The following WRAP53 variants were observed in gnomAD, a reference collection of about 807,000 sequenced individuals.
The protein encoded by WRAP53 is WD repeat containing antisense to TP53, also known as telomerase Cajal body protein 1.
Under a neutral mutation model 56.6 loss-of-function variants are expected in WRAP53, and 28 were observed. That is an observed-to-expected ratio of 0.50 (90% CI 0.37 to 0.68). The LOEUF (loss-of-function observed/expected upper bound fraction) is 0.68. Among genes scored for constraint, WRAP53 ranks in the 30% least tolerant of loss-of-function variants. WRAP53 has a pLI of 0.00. For synonymous variants in WRAP53, 283 were observed against 283.4 expected (o/e 1.00, Z 0.01); for missense variants, 671 against 715.5 (o/e 0.94, Z 0.71).
rs971585446 is a variant in WRAP53, at chr17:7,702,276, C to T, written c.956-68C>T. 1 of 1,551,440 alleles carries T rather than the reference C, an allele frequency of 6.4e-7. No individual in the cohort carries two copies. The highest frequency in any genetic ancestry group is 1.4e-5 in the African/African-American group (1 of 73,644). On this transcript the variant is annotated intron_variant, in intron 7 of 10. Coordinates refer to ENST00000396463, the MANE Select transcript of WRAP53 (RefSeq NM_001143992.2). The surrounding 1 kb of genome is among the most constrained non-coding windows in gnomAD (Gnocchi z 5.0). ...TGTTGGTGCTGGGACGGGAGACAGA[C>T]CTCTGCTTAGCCTGGTTAGTGCCAG...
At position 7,689,298 on chromosome 17, in the gene WRAP53, A is replaced by G; in HGVS notation, c.506A>G (p.Glu169Gly). Residue 169 changes from glutamate to glycine, a missense_variant, in exon 3 of 11, where the codon GAG (glutamate) becomes GGG (glycine). Glu to Gly is a moderately conservative substitution (Grantham distance 98). This residue lies in a region of WRAP53 where 406 missense variants were observed against 418.5 expected (regional missense o/e 0.97). Transcript: ENST00000396463. ...GSWSEFSTQP[E>G]NFLKGCKWAP... ...TGGTCAGAGTTCAGCACCCAACCTG[A>G]GAACTTCTTGAAAGGCTGTAAGTGG... 6.2e-7 allele frequency: 1 copy of G among 1,614,032 alleles called. No individual in the cohort carries two copies. Among genetic ancestry groups the G allele is most frequent in the Non-Finnish European group, 8.5e-7 (1 of 1,180,004 alleles).
At chr17:7,695,444 C>G (rs1219903272) in intron 4 of WRAP53, among the ~76,000 whole-genome samples, 1 of 152,098 alleles carries the variant, frequency 6.6e-6, no homozygotes, top group African/African-American at 2.4e-5. Context: ...GAGTACTTGC[C>G]CTGCCCCGTG....
At chr17:7,699,614 G>A (rs1391583994) in intron 4 of WRAP53, among the ~76,000 whole-genome samples, 2 of 140,588 alleles carry the variant, frequency 1.4e-5, no homozygotes, top group Non-Finnish European at 3.1e-5. Context: ...TTAGGAAAGG[G>A]GTTTAAACAT....
chr17:7,695,740 T>A (rs1200974477), intron 4 of WRAP53, among the ~76,000 whole-genome samples: 4 of 152,162 alleles, frequency 2.6e-5, no homozygotes, highest in African/African-American at 9.7e-5. Context: ...TCTCTCATCC[T>A]TTAATCTTTA....
Position 7,703,247 on chromosome 17 carries a change from C to T in WRAP53, c.1408C>T (p.His470Tyr), listed in dbSNP as rs748109782. ...QKDCTNGVSLHPSLPLLATAS... is the reference protein window; with the variant it reads ...QKDCTNGVSLYPSLPLLATAS... ...CCCTCCCCATCTCTCCCTCAGCCTG[C>T]ACCCTAGCCTGCCTCTCCTGGCCAC... The change falls in exon 11 of 11, where the codon CAC becomes TAC. Residue 470 changes from histidine (H) to tyrosine (Y), a missense_variant. Physicochemically the swap from His to Tyr is moderately conservative, Grantham distance 83. Coordinates refer to ENST00000396463, the MANE Select transcript of WRAP53 (RefSeq NM_001143992.2). 9.9e-6 allele frequency: 16 copies of T among 1,613,508 alleles called. No homozygotes were observed. The highest frequency in any genetic ancestry group is 1.3e-5 in the Non-Finnish European group (15 of 1,180,028).
Position 7,702,623 on chromosome 17 carries a change from T to C in WRAP53, c.1164+71T>C. 1 of 1,595,118 alleles carries C rather than the reference T, an allele frequency of 6.3e-7. No individual in the cohort carries two copies. The highest frequency in any genetic ancestry group is 1.1e-5 in the South Asian group (1 of 90,450). ...AGGAGCAGGGATGTAGTCTGCAGTG[T>C]AGGGGAATGGGTGGGGATGGGGAAA... On this transcript the variant is annotated intron_variant, in intron 8 of 10. Transcript: ENST00000396463. This position sits in a 1 kb window ranked among gnomAD's most constrained non-coding sequence, Gnocchi z 5.0.
At chr17:7,696,340 C>T (rs950368597) in intron 4 of WRAP53, among the ~76,000 whole-genome samples, 6 of 142,202 alleles carry the variant, frequency 4.2e-5, no homozygotes, top group Non-Finnish European at 9.0e-5. Context: ...GCTCTGTCGC[C>T]CAGGCTGGAG....
intron 4 of WRAP53, among the ~76,000 whole-genome samples, chr17:7,697,180 G>C (rs928185985): frequency 6.6e-6 from 1 of 152,024 alleles, no homozygotes. Flanking sequence ...AATTAGCCGG[G>C]TGTGGTGGCA....
chr17:7,701,554 G>A lies in WRAP53; in HGVS notation c.822+5G>A, dbSNP rs2074274250. 6.2e-7 allele frequency: 1 copy of A among 1,614,234 alleles called. No individual in the cohort carries two copies. Among genetic ancestry groups the A allele is most frequent in the Non-Finnish European group, 8.5e-7 (1 of 1,180,046 alleles). On this transcript the variant is annotated splice_donor_5th_base_variant and intron_variant, in intron 6 of 10. Transcript: ENST00000396463. This position sits in a 1 kb window ranked among gnomAD's most constrained non-coding sequence, Gnocchi z 4.2. ...TTTCGCGCCTACAACCACCTGGTAG[G>A]GACCGCCATACTCAGCCCCAGCACT...
Position 7,703,261 on chromosome 17 carries a change from T to C in WRAP53, c.1422T>C (p.Pro474=). 1 of 1,613,632 alleles carries C rather than the reference T, an allele frequency of 6.2e-7. No individual in the cohort carries two copies. Among genetic ancestry groups the C allele is most frequent in the Non-Finnish European group, 8.5e-7 (1 of 1,179,996 alleles). ...TNGVSLHPSL[P]LLATASGQRV... ...CCCTCAGCCTGCACCCTAGCCTGCCTCTCCTGGCCACTGCCTCCGGTCAGC... is the reference window on the plus strand; with the variant it reads ...CCCTCAGCCTGCACCCTAGCCTGCCCCTCCTGGCCACTGCCTCCGGTCAGC... Residue 474 remains proline (P), a synonymous_variant, in exon 11 of 11, where the codon CCT becomes CCC. Coordinates refer to ENST00000396463, the MANE Select transcript of WRAP53 (RefSeq NM_001143992.2).
chr17:7,696,290 ATTTTTTTTTTT>A (rs35901058), intron 4 of WRAP53, among the ~76,000 whole-genome samples: 23 of 79,906 alleles, frequency 2.9e-4, no homozygotes, highest in South Asian at 1.1e-3. Flanking sequence ...GGACTCAGAG[ATTTTTTTTTTT>A]TTTTTTTTTT....
Position 7,702,252 on chromosome 17 carries a change from G to A in WRAP53, c.956-92G>A, listed in dbSNP as rs889310448. ...TGGGGGGGATGTTGAGTCCAAGCATGTTGGTGCTGGGACGGGAGACAGACC... is the reference window on the plus strand; with the variant it reads ...TGGGGGGGATGTTGAGTCCAAGCATATTGGTGCTGGGACGGGAGACAGACC... On this transcript the variant is annotated intron_variant, in intron 7 of 10. Coordinates refer to ENST00000396463, the MANE Select transcript of WRAP53 (RefSeq NM_001143992.2). This position sits in a 1 kb window ranked among gnomAD's most constrained non-coding sequence, Gnocchi z 5.0. 2 of 1,364,816 alleles carry A rather than the reference G, an allele frequency of 1.5e-6. No homozygotes were observed. The highest frequency in any genetic ancestry group is 2.1e-6 in the Non-Finnish European group (2 of 956,840). The allele number at this position is 1,364,816 out of a possible 1,614,324, so 84.5% of individuals were successfully genotyped here. A position where few individuals can be genotyped will look rare whatever the true frequency, so the allele number is the denominator to read the frequency against.
At chr17:7,695,247 A>G (rs760035612) in intron 4 of WRAP53, among the ~76,000 whole-genome samples, 2 of 152,074 alleles carry the variant, frequency 1.3e-5, no homozygotes, top group Admixed American at 6.6e-5. Context: ...GAGCCACTGC[A>G]CCCGGCCTTA....
chr17:7,701,885 C>T lies in WRAP53; in HGVS notation c.955+96C>T, dbSNP rs967739313. ...GCCGGGGGCCACCTGTGGGGGTTCA[C>T]GCCGTCCTCTGTACGGCCCCGGGAG... On this transcript the variant is annotated intron_variant, in intron 7 of 10. Coordinates refer to ENST00000396463, the MANE Select transcript of WRAP53 (RefSeq NM_001143992.2). This position sits in a 1 kb window ranked among gnomAD's most constrained non-coding sequence, Gnocchi z 4.2. The T allele has an allele frequency of 1.1e-5, 17 of 1,539,046 alleles. No homozygotes were observed. The highest frequency in any genetic ancestry group is 1.7e-4 in the Middle Eastern group (1 of 6,002).
chr17:7,703,049 CG>C lies in WRAP53; in HGVS notation c.1327del (p.Asp443ThrfsTer13). 6.2e-7 allele frequency: 1 copy of C among 1,614,066 alleles called. No homozygotes were observed. Among genetic ancestry groups the C allele is most frequent in the Non-Finnish European group, 8.5e-7 (1 of 1,180,014 alleles). On this transcript the variant is annotated frameshift_variant, in exon 10 of 11. Transcript: ENST00000396463. LOFTEE classifies it high-confidence loss of function. The part of the protein sequence containing the change: ...STSGAVSVWD[T>X]DGPGNDGKPE... The stretch of plus-strand genomic sequence containing the variant: ...AGCGGGGCTGTCTCTGTGTGGGACA[CG>C]GACGGGCCTGGCAATGATGGGAAGC...
At chr17:7,690,421 C>T (rs1361830133) in intron 4 of WRAP53, among the ~76,000 whole-genome samples, 1 of 152,174 alleles carries the variant, frequency 6.6e-6, no homozygotes, top group Non-Finnish European at 1.5e-5. Context: ...AGGAAATACA[C>T]AGAATGAAGA....
In WRAP53 at chr17:7,692,238, G is replaced by A. The variant is rs113921840; in HGVS notation, c.642+2537G>A. Among the ~76,000 whole-genome samples, 365 of 152,104 alleles carry A rather than the reference G, an allele frequency of 2.4e-3. 3 individuals are homozygous for A. Among genetic ancestry groups the A allele is most frequent in the African/African-American group, 8.3e-3 (344 of 41,522 alleles). On this transcript the variant is annotated intron_variant, in intron 4 of 10. Coordinates refer to ENST00000396463, the MANE Select transcript of WRAP53 (RefSeq NM_001143992.2). ...CTCACGCCTGTAATCCCAACACTTT[G>A]GGAGGCTGAGATGGGTGGATCACCT...
At chr17:7,699,337 C>T (rs1294453095) in intron 4 of WRAP53, among the ~76,000 whole-genome samples, 16 of 149,042 alleles carry the variant, frequency 1.1e-4, no homozygotes, top group Non-Finnish European at 2.2e-4. Context: ...ACAAGAATTG[C>T]TTGAACCTGG....
Position 7,702,648 on chromosome 17 carries a change from A to G in WRAP53, c.1165-95A>G, listed in dbSNP as rs1052045143. 7.5e-6 allele frequency: 12 copies of G among 1,597,762 alleles called. No homozygotes were observed. The African/African-American group carries it at 1.5e-4, about 20-fold the overall frequency. On this transcript the variant is annotated intron_variant, in intron 8 of 10. Transcript: ENST00000396463. The surrounding 1 kb of genome is among the most constrained non-coding windows in gnomAD (Gnocchi z 5.0). Reference sequence around the variant, plus strand: ...TAGGGGAATGGGTGGGGATGGGGAAAAAATCCCAAGCTGAAGGAGTGCCTG... The same window carrying G: ...TAGGGGAATGGGTGGGGATGGGGAAGAAATCCCAAGCTGAAGGAGTGCCTG...
Sources: gnomAD v4.1 joint callset for allele counts (sites outside exome capture counted in the v4.1 genomes callset) on GRCh38, gnomAD v4.1.1 for gene constraint, gnomAD v4.1.1 regional missense constraint, Gnocchi (gnomAD v3.1) non-coding constraint, MANE v1.5 for transcripts, NCBI Gene and HGNC (gene_info 2026-07-23, HGNC 2026-07-21) for gene names.